SACS: variants seen among roughly 807,000 people sequenced by gnomAD.
The protein encoded by SACS is sacsin molecular chaperone.
SACS carries 197 observed loss-of-function variants against 348.0 expected under a neutral mutation model. The observed-to-expected ratio is 0.57, with a 90% CI of 0.50 to 0.64. The LOEUF is 0.64. SACS is among the 30% of genes least tolerant of loss of function. The probability of loss-of-function intolerance (pLI) is 0.00; values close to 1 mark genes in which losing one functional copy is unlikely to be tolerated. For synonymous variants in SACS, 1,985 were observed against 1,910.6 expected (o/e 1.04, Z -1.02); for missense variants, 4,999 against 5,360.8 (o/e 0.93, Z 2.11).
At position 23,370,784 on chromosome 13, in the gene SACS, A is replaced by G. The variant is rs61948382; in HGVS notation, c.259+294T>C. ...TCAAGACCAGCCTGGCCAACATGGT[A>G]AAACCCTGTCTATACTAAAAATGTA... is the stretch of plus-strand genomic sequence containing the variant. On this transcript the variant is annotated intron_variant, in intron 4 of 9. Transcript: ENST00000382292. 2.6e-3 allele frequency among the ~76,000 whole-genome samples: 393 copies of G among 152,304 alleles called. 2 individuals carry two copies. Among genetic ancestry groups the G allele is most frequent in the Non-Finnish European group, 3.6e-3 (248 of 68,018 alleles).
rs774558627 is a variant in SACS at position 23,336,379 on chromosome 13, G to A, written c.7497C>T (p.Val2499=). The A allele has an allele frequency of 4.6e-5, 75 of 1,614,046 alleles. No individual in the cohort carries two copies. The highest frequency in any genetic ancestry group is 6.0e-5 in the Non-Finnish European group (71 of 1,179,942). The change falls in exon 10 of 10, where the codon GTC becomes GTT. Residue 2499 remains valine, a synonymous_variant. Coordinates refer to ENST00000382292, the MANE Select transcript of SACS (RefSeq NM_014363.6). ...PREVAVKLGA[V]PKRHKALERY... ...TTTCTAAGGCTTTGTGTCGCTTTGG[G>A]ACTGCTCCTAGTTTTACTGCTACTT... is the stretch of plus-strand genomic sequence containing the variant.
rs754748296 is a variant in SACS, at chr13:23,338,418, G to C, written c.5458C>G (p.Leu1820Val). Residue 1820 changes from leucine to valine, a missense_variant, in exon 10 of 10, where the codon CTG becomes GTG. By Grantham distance (32) the Leu-to-Val change is conservative. This residue lies in a region of SACS where 3,156 missense variants were observed against 3,380.1 expected (regional missense o/e 0.93). Transcript: ENST00000382292. The part of the protein sequence containing the change: ...QKTVECTTWL[L>V]CTCMDTGEAL... The stretch of plus-strand genomic sequence containing the variant: ...TCTCCTGTGTCCATGCAAGTACACA[G>C]AAGCCACGTGGTACACTCTACTGTT... 1 of 1,614,022 alleles carries C rather than the reference G, an allele frequency of 6.2e-7. No homozygotes were observed. Among genetic ancestry groups the C allele is most frequent in the Non-Finnish European group, 8.5e-7 (1 of 1,180,026 alleles).
intron 6 of SACS, among the ~76,000 whole-genome samples, chr13:23,363,035 A>G (rs1392332382): frequency 6.7e-6 from 1 of 150,250 alleles, no homozygotes; most frequent in African/African-American, 2.5e-5. Context: ...CAGCCTCCCA[A>G]GTAGCTGGGA....
chr13:23,358,469 T>TA lies in SACS; in HGVS notation c.469dup (p.Tyr157LeufsTer27). On this transcript the variant is annotated frameshift_variant, in exon 7 of 10. Coordinates refer to ENST00000382292, the MANE Select transcript of SACS (RefSeq NM_014363.6). LOFTEE classifies it high-confidence loss of function. Reference sequence around the variant, plus strand: ...GGTGAAAACCGCGTTGTTGTACACATAGAGAGCTGGCCCTAGGTGTGAAAA... The same window carrying TA: ...GGTGAAAACCGCGTTGTTGTACACATAAGAGAGCTGGCCCTAGGTGTGAAAA... 1 of 1,614,142 alleles carries TA rather than the reference T, an allele frequency of 6.2e-7. No homozygotes were observed. Among genetic ancestry groups the TA allele is most frequent in the Non-Finnish European group, 8.5e-7 (1 of 1,180,026 alleles).
In SACS at chr13:23,389,045, A is replaced by T. The variant is rs555646194; in HGVS notation, c.21-13776T>A. On this transcript the variant is annotated intron_variant, in intron 2 of 9. Transcript: ENST00000382292. Reference sequence around the variant, plus strand: ...CAAGGCATGGAGCTGAATGTCTTACATTCTTTATATATTTATTAATAAGAT... The same window carrying T: ...CAAGGCATGGAGCTGAATGTCTTACTTTCTTTATATATTTATTAATAAGAT... Among the ~76,000 whole-genome samples the T allele has an allele frequency of 3.3e-5, 5 of 152,226 alleles. No individual in the cohort carries two copies. In the East Asian group the frequency reaches 9.7e-4, roughly 29 times the overall value.
At chr13:23,375,848 T>TAG (rs1871771624) in intron 2 of SACS, among the ~76,000 whole-genome samples, 1 of 151,934 alleles carries the variant, frequency 6.6e-6, no homozygotes, top group South Asian at 2.1e-4. Flanking sequence ...AGCGTACAGC[T>TAG]AGAGGACAGG....
chr13:23,403,668 A>G (rs1263619360), intron 2 of SACS, among the ~76,000 whole-genome samples: 1 of 151,732 alleles, frequency 6.6e-6, no homozygotes, highest in Non-Finnish European at 1.5e-5. Flanking sequence ...CTAGCGATCT[A>G]TTTTGTTAAT....
At chr13:23,415,913 T>G (rs1873673593) in intron 1 of SACS, among the ~76,000 whole-genome samples, 2 of 152,078 alleles carry the variant, frequency 1.3e-5, no homozygotes, top group South Asian at 4.1e-4. Flanking sequence ...TATGAGAAAA[T>G]GTATATCCTT....
At position 23,406,335 on chromosome 13, in the gene SACS, C is replaced by T. The variant is rs565502374; in HGVS notation, c.20+4885G>A. On this transcript the variant is annotated intron_variant, in intron 2 of 9. Coordinates refer to ENST00000382292, the MANE Select transcript of SACS (RefSeq NM_014363.6). The stretch of plus-strand genomic sequence containing the variant: ...GTAAGTGGGAGTTGAACGATGAAAA[C>T]ACATGGACACGGTGGGGGGAAACAC... 1.1e-4 allele frequency among the ~76,000 whole-genome samples: 17 copies of T among 151,472 alleles called. No individual in the cohort carries two copies. The South Asian group carries it at 2.7e-3, about 24-fold the overall frequency.
chr13:23,353,983 C>T (rs1870149462), intron 8 of SACS, 107 bp from the exon 9 acceptor site: 1 of 746,188 alleles, frequency 1.3e-6, no homozygotes, highest in African/African-American at 1.7e-5. Context: ...TTTTATTTTA[C>T]ATAAATTATA....
intron 4 of SACS, among the ~76,000 whole-genome samples, chr13:23,369,192 C>T (rs974085782): frequency 1.3e-5 from 2 of 152,150 alleles, no homozygotes; most frequent in Non-Finnish European, 2.9e-5. Context: ...TGCCTATTAT[C>T]ACATTCTTAA....
Position 23,354,640 on chromosome 13 carries a change from G to C in SACS, c.1972C>G (p.Gln658Glu). The C allele has an allele frequency of 6.2e-7, 1 of 1,614,188 alleles. No homozygotes were observed. Among genetic ancestry groups the C allele is most frequent in the Non-Finnish European group, 8.5e-7 (1 of 1,180,038 alleles). The change falls in exon 8 of 10, where the codon CAA (glutamine) becomes GAA (glutamate). Residue 658 changes from glutamine to glutamate, a missense_variant. Physicochemically the swap from Gln to Glu is conservative, Grantham distance 29. This residue lies in a region of SACS where 3,156 missense variants were observed against 3,380.1 expected (regional missense o/e 0.93). Transcript: ENST00000382292. ...AGCCCAAGCAGCTCACTGTAGGCTT[G>C]GTCAGAAAGCACAAATTCTAGAAGG... ...LHLLEFVLSDQAYSELLGLEL... is the reference protein window; with the variant it reads ...LHLLEFVLSDEAYSELLGLEL...
Position 23,336,492 on chromosome 13 carries a change from G to A in SACS, c.7384C>T (p.Pro2462Ser), listed in dbSNP as rs78239814. Residue 2462 changes from proline to serine, a missense_variant, in exon 10 of 10, where the codon CCT becomes TCT. Pro to Ser is a moderately conservative substitution (Grantham distance 74). Transcript: ENST00000382292. ...TCATTGTAGCATAACGATTTAGCAGGGAGAAGCATAAGATTAGTATCTGGC... is the reference window on the plus strand; with the variant it reads ...TCATTGTAGCATAACGATTTAGCAGAGAGAAGCATAAGATTAGTATCTGGC... ...LLPDTNLMLL[P>S]AKSLCYNDCP... 9.1e-4 allele frequency: 1,476 copies of A among 1,613,916 alleles called. 13 individuals carry two copies. In the African/African-American group the frequency reaches 0.018, roughly 20 times the overall value.
intron 1 of SACS, among the ~76,000 whole-genome samples, chr13:23,433,303 A>G (rs1246407156): frequency 6.6e-6 from 1 of 152,108 alleles, no homozygotes; most frequent in Non-Finnish European, 1.5e-5. Flanking sequence ...ACCGCGGCAG[A>G]TCTCTCTAGT....
intron 6 of SACS, among the ~76,000 whole-genome samples, chr13:23,363,974 CTTA>C (rs2137775081): frequency 6.6e-6 from 1 of 152,256 alleles, no homozygotes; most frequent in East Asian, 1.9e-4. Context: ...GGCTAATCCT[CTTA>C]TTATAAAAAT....
At chr13:23,390,720 T>C (rs1226468871) in intron 2 of SACS, among the ~76,000 whole-genome samples, 1 of 152,224 alleles carries the variant, frequency 6.6e-6, no homozygotes, top group Non-Finnish European at 1.5e-5. Context: ...TACTGGGTAA[T>C]ACATTTGTTT....
At chr13:23,417,746 C>T (rs1206443997) in intron 1 of SACS, among the ~76,000 whole-genome samples, 1 of 152,016 alleles carries the variant, frequency 6.6e-6, no homozygotes, top group Non-Finnish European at 1.5e-5. Context: ...AAATAGAAAG[C>T]AGTAACCCTC....
intron 2 of SACS, among the ~76,000 whole-genome samples, chr13:23,392,934 G>C (rs1436399255): frequency 6.6e-6 from 1 of 152,162 alleles, no homozygotes; most frequent in Non-Finnish European, 1.5e-5. Flanking sequence ...GGGCAGGACT[G>C]AGTTCATGCA....
rs1868485701 is a variant in SACS at position 23,335,455 on chromosome 13, A to G, written c.8421T>C (p.Asp2807=). 6.2e-7 allele frequency: 1 copy of G among 1,613,702 alleles called. No individual in the cohort carries two copies. Among genetic ancestry groups the G allele is most frequent in the African/African-American group, 1.3e-5 (1 of 74,922 alleles). Residue 2807 remains aspartate (D), a synonymous_variant, in exon 10 of 10, where the codon GAT becomes GAC. Coordinates refer to ENST00000382292, the MANE Select transcript of SACS (RefSeq NM_014363.6). This position sits in a 1 kb window ranked among gnomAD's most constrained non-coding sequence, Gnocchi z 4.7. ...IPVQQITYTM[D]TEDSEGNLTT... ...TAAGATTTCCTTCAGAGTCCTCAGT[A>G]TCCATAGTATAGGTTATTTGTTGAA...
Sources: gnomAD v4.1 joint callset for allele counts (sites outside exome capture counted in the v4.1 genomes callset) on GRCh38, gnomAD v4.1.1 for gene constraint, gnomAD v4.1.1 regional missense constraint, Gnocchi (gnomAD v3.1) non-coding constraint, MANE v1.5 for transcripts, NCBI Gene and HGNC (gene_info 2026-07-23, HGNC 2026-07-21) for gene names.